METTL15: variants seen among roughly 807,000 people sequenced by gnomAD.
METTL15 encodes methyltransferase 15, mitochondrial 12S rRNA N4-cytidine.
Under a neutral mutation model 38.3 loss-of-function variants are expected in METTL15, and 34 were observed. The ratio of observed to expected loss-of-function variants is 0.89; its 90% confidence interval spans 0.68 to 1.18. The LOEUF is 1.18. METTL15 is among the 50% of genes most tolerant of loss of function. The pLI, the probability that METTL15 is intolerant of heterozygous loss-of-function variation, is 0.00. For missense variants in METTL15, 438 were observed against 498.4 expected, an observed-to-expected ratio of 0.88 and a Z score of 1.15; for synonymous variants, 162 against 170.9, an observed-to-expected ratio of 0.95 and a Z score of 0.41.
intron 3 of METTL15, among the ~76,000 whole-genome samples, chr11:28,204,164 A>C (rs533863550): frequency 2.2e-4 from 33 of 152,134 alleles, no homozygotes; most frequent in Admixed American, 1.7e-3. Context: ...GTTGGAGGTA[A>C]AGTTGGGGGA....
downstream of METTL15, among the ~76,000 whole-genome samples, chr11:28,528,369 C>T (rs967381202): frequency 6.6e-6 from 1 of 152,206 alleles, no homozygotes; most frequent in African/African-American, 2.4e-5. Flanking sequence ...ACTGTCCAAA[C>T]ATAATAAAAC....
At chr11:28,266,448 C>G (rs980138699) in intron 4 of METTL15, among the ~76,000 whole-genome samples, 2 of 152,190 alleles carry the variant, frequency 1.3e-5, no homozygotes, top group African/African-American at 2.4e-5. Context: ...TCTCAGCAAA[C>G]TATCACAAGG....
chr11:28,188,086 C>T (rs1851567188), intron 3 of METTL15, among the ~76,000 whole-genome samples: 1 of 151,240 alleles, frequency 6.6e-6, no homozygotes, highest in Non-Finnish European at 1.5e-5. Context: ...CATTGCCTTT[C>T]TTTCCACTAG....
At chr11:28,362,477 GC>G (rs1850148081) in intron 5 of METTL15, among the ~76,000 whole-genome samples, 3 of 152,130 alleles carry the variant, frequency 2.0e-5, no homozygotes, top group African/African-American at 7.2e-5. Flanking sequence ...TTCAGCTCAT[GC>G]CCCAATCCCT....
chr11:28,296,644 C>A, intron 5 of METTL15, 109 bp from the exon 6 acceptor site: 1 of 1,156,988 alleles, frequency 8.6e-7, no homozygotes, highest in South Asian at 1.5e-5. Context: ...AACCTCACTT[C>A]TCCTAGAGTA....
chr11:28,291,040 T>C (rs917945451), intron 5 of METTL15, among the ~76,000 whole-genome samples: 1 of 147,724 alleles, frequency 6.8e-6, no homozygotes, highest in East Asian at 2.0e-4. Context: ...AGTGTAGAAA[T>C]AATTCTTTTC....
chr11:28,276,819 T>A (rs1275151781), intron 4 of METTL15, among the ~76,000 whole-genome samples: 1 of 152,074 alleles, frequency 6.6e-6, no homozygotes, highest in Non-Finnish European at 1.5e-5. Flanking sequence ...TAGGAGAAAG[T>A]ATACCCTGTT....
At chr11:28,525,243 C>CTT (rs1851800173) in intron 6 of METTL15, among the ~76,000 whole-genome samples, 1 of 152,158 alleles carries the variant, frequency 6.6e-6, no homozygotes, top group Non-Finnish European at 1.5e-5. Context: ...GCGCAGCCTG[C>CTT]TTTTATTCTC....
At position 28,510,696 on chromosome 11, in the gene METTL15, G is replaced by T. The variant is rs558769423; in HGVS notation, c.*425-15782G>T. Among the ~76,000 whole-genome samples, 100 of 152,262 alleles carry T rather than the reference G, an allele frequency of 6.6e-4. No individual in the cohort carries two copies. In the Middle Eastern group the frequency reaches 0.02, roughly 31 times the overall value. On this transcript the variant is annotated intron_variant and NMD_transcript_variant, in intron 6 of 7. Coordinates refer to the METTL15 transcript ENST00000532947. The stretch of plus-strand genomic sequence containing the variant: ...GATGACGGGCCCAAAATCATGTTAA[G>T]TATGCAAACTGAGTAGCTGATTTGG...
chr11:28,401,014 ATC>A (rs1452979440), intron 5 of METTL15, among the ~76,000 whole-genome samples: 1 of 152,066 alleles, frequency 6.6e-6, no homozygotes, highest in Non-Finnish European at 1.5e-5. Flanking sequence ...GTCATTACCA[ATC>A]TCTGTTTTAA....
At chr11:28,347,185 A>G (rs2133358482) in intron 3 of METTL15, among the ~76,000 whole-genome samples, 1 of 152,326 alleles carries the variant, frequency 6.6e-6, no homozygotes, top group African/African-American at 2.4e-5. Flanking sequence ...ATAATGGACC[A>G]AGGGTACCTG....
intron 3 of METTL15, among the ~76,000 whole-genome samples, chr11:28,136,567 A>G (rs1292896602): frequency 6.6e-6 from 1 of 152,196 alleles, no homozygotes; most frequent in Non-Finnish European, 1.5e-5. Flanking sequence ...CTTAATTATG[A>G]TTGATAGCAT....
intron 3 of METTL15, among the ~76,000 whole-genome samples, chr11:28,166,460 A>G (rs1351948623): frequency 1.3e-5 from 2 of 152,116 alleles, no homozygotes; most frequent in African/African-American, 4.8e-5. Flanking sequence ...CAGAATACAA[A>G]TTTCCTAGCC....
chr11:28,216,808 G>A (rs191167491), intron 4 of METTL15, among the ~76,000 whole-genome samples: 1,636 of 148,858 alleles, frequency 0.011, 12 homozygotes, highest in Middle Eastern at 0.039. Flanking sequence ...GAGAACATGC[G>A]GTGTTTGGTT....
chr11:28,150,060 A>G (rs1164176555), intron 3 of METTL15, among the ~76,000 whole-genome samples: 3 of 151,954 alleles, frequency 2.0e-5, no homozygotes, highest in Admixed American at 6.6e-5. Context: ...CTCAGGGTAC[A>G]TCTCTTGGGC....
chr11:28,185,015 G>A (rs910875078), intron 3 of METTL15, among the ~76,000 whole-genome samples: 1 of 151,298 alleles, frequency 6.6e-6, no homozygotes, highest in Admixed American at 6.6e-5. Flanking sequence ...ATAATGTGTT[G>A]AATGTTAACA....
At chr11:28,217,639 T>C (rs188417794) in intron 4 of METTL15, among the ~76,000 whole-genome samples, 40 of 152,370 alleles carry the variant, frequency 2.6e-4, no homozygotes, top group Admixed American at 2.0e-4. Flanking sequence ...TACCCATGCC[T>C]ATGTCCTGAA....
At chr11:28,383,893 A>G (rs1054639751) in intron 5 of METTL15, among the ~76,000 whole-genome samples, 1 of 152,056 alleles carries the variant, frequency 6.6e-6, no homozygotes, top group East Asian at 1.9e-4. Context: ...GATTGGTTGT[A>G]CAGATTATTT....
chr11:28,474,866 A>G (rs1283679447), intron 6 of METTL15, among the ~76,000 whole-genome samples: 1 of 152,150 alleles, frequency 6.6e-6, no homozygotes, highest in Non-Finnish European at 1.5e-5. Context: ...GCAGTTACTA[A>G]TGGTGGTACT....
Sources: gnomAD v4.1 joint callset for allele counts (sites outside exome capture counted in the v4.1 genomes callset) on GRCh38, gnomAD v4.1.1 for gene constraint, MANE v1.5 for transcripts, NCBI Gene and HGNC (gene_info 2026-07-23, HGNC 2026-07-21) for gene names.